The following HDHD2 variants were observed in gnomAD, a reference collection of about 807,000 sequenced individuals.
HDHD2 encodes haloacid dehalogenase like hydrolase domain containing 2, also known as haloacid dehalogenase-like hydrolase domain-containing protein 2.
A neutral mutation model predicts 24.8 loss-of-function variants in HDHD2; 26 were observed. That is an observed-to-expected ratio of 1.05 (90% CI 0.77 to 1.45). The LOEUF (loss-of-function observed/expected upper bound fraction) is 1.45. Ranked by LOEUF, HDHD2 falls within the 40% of genes most tolerant of loss-of-function variation. The pLI is 0.00. For missense variants in HDHD2, 299 were observed against 313.4 expected (o/e 0.95, Z 0.35); for synonymous variants, 128 against 114.9 (o/e 1.11, Z -0.73).
intron 4 of HDHD2, among the ~76,000 whole-genome samples, chr18:47,123,833 T>C (rs2063630853): frequency 6.6e-6 from 1 of 152,168 alleles, no homozygotes; most frequent in African/African-American, 2.4e-5. Flanking sequence ...AGGATCAAAC[T>C]CCCAGCAGGC....
At chr18:47,115,966 C>G (rs1338444696) in intron 4 of HDHD2, among the ~76,000 whole-genome samples, 1 of 152,132 alleles carries the variant, frequency 6.6e-6, no homozygotes, top group Non-Finnish European at 1.5e-5. Context: ...GGAGACCCTT[C>G]CCCATCAGGT....
intron 1 of HDHD2, among the ~76,000 whole-genome samples, chr18:47,148,100 C>T (rs1215199572): frequency 6.6e-6 from 1 of 151,708 alleles, no homozygotes; most frequent in Admixed American, 6.6e-5. Flanking sequence ...AAGCCATCCT[C>T]CCACCTCCGC....
chr18:47,109,215 G>A (rs921947608), intron 6 of HDHD2: 9 of 159,492 alleles, frequency 5.6e-5, no homozygotes, highest in African/African-American at 1.7e-4. Context: ...CTGCTGCCAC[G>A]CAGGGATCCA....
intron 4 of HDHD2, among the ~76,000 whole-genome samples, chr18:47,123,309 C>T (rs767582577): frequency 7.2e-5 from 11 of 152,070 alleles, no homozygotes; most frequent in Non-Finnish European, 1.3e-4. Flanking sequence ...AATACAAGGC[C>T]GGGCACAGTG....
chr18:47,116,301 T>C (rs2063557713), intron 4 of HDHD2, among the ~76,000 whole-genome samples: 1 of 152,226 alleles, frequency 6.6e-6, no homozygotes, highest in Admixed American at 6.5e-5. Context: ...ATGATCTCAC[T>C]AGCTTAATTT....
Position 47,134,630 on chromosome 18 carries a change from C to T in HDHD2, c.176G>A (p.Arg59Lys), listed in dbSNP as rs757468260. 4.6e-5 allele frequency: 74 copies of T among 1,613,926 alleles called. No individual in the cohort carries two copies. Among genetic ancestry groups the T allele is most frequent in the Non-Finnish European group, 5.8e-5 (69 of 1,179,952 alleles). Reference sequence around the variant, plus strand: ...GATATCAAATTCCAATTTTCTCAACCTTTCTAACAGGTCTTGCTTGCTCTC... The same window carrying T: ...GATATCAAATTCCAATTTTCTCAACTTTTCTAACAGGTCTTGCTTGCTCTC... ...TKESKQDLLE[R>K]LRKLEFDISE... The change falls in exon 3 of 7, where the codon AGG becomes AAG. Residue 59 changes from arginine (R) to lysine (K), a missense_variant. Arg to Lys is a conservative substitution (Grantham distance 26). Coordinates refer to ENST00000300605, the MANE Select transcript of HDHD2 (RefSeq NM_032124.5).
chr18:47,123,883 G>A (rs551106417), intron 4 of HDHD2, among the ~76,000 whole-genome samples: 21 of 152,306 alleles, frequency 1.4e-4, no homozygotes, highest in African/African-American at 4.8e-4. Flanking sequence ...AATCTGTGTG[G>A]AAATCCAAAG....
intron 1 of HDHD2, among the ~76,000 whole-genome samples, chr18:47,137,534 TG>T (rs1406693858): frequency 6.6e-6 from 1 of 152,168 alleles, no homozygotes; most frequent in Non-Finnish European, 1.5e-5. Flanking sequence ...TGACATCAAG[TG>T]GAGATGGGAT....
intron 4 of HDHD2, among the ~76,000 whole-genome samples, chr18:47,120,801 G>T (rs1192022878): frequency 1.3e-5 from 2 of 152,126 alleles, no homozygotes; most frequent in Non-Finnish European, 2.9e-5. Context: ...GAGCATCATT[G>T]TGTCTCAGGG....
chr18:47,134,572 TG>T lies in HDHD2; in HGVS notation c.233del (p.Ala78GlufsTer6), dbSNP rs2063745202. Reference protein sequence around the residue: ...SEDEIFTSLTAARSLLERKQV... With the variant: ...SEDEIFTSLTXARSLLERKQV... ...GTTTCCGCTCTAGTAAACTTCTGGC[TG>T]CAGTCAGAGATGTGAATATTTCATC... On this transcript the variant is annotated frameshift_variant, in exon 3 of 7. Transcript: ENST00000300605. LOFTEE classifies it high-confidence loss of function. The T allele has an allele frequency of 1.9e-6, 3 of 1,614,032 alleles. No homozygotes were observed. The African/African-American group carries it at 4.0e-5, about 22-fold the overall frequency.
intron 4 of HDHD2, among the ~76,000 whole-genome samples, chr18:47,118,511 T>G (rs938400664): frequency 2.6e-5 from 4 of 152,022 alleles, no homozygotes; most frequent in African/African-American, 9.7e-5. Context: ...TGTTCTCACT[T>G]ATAAGTGGGA....
chr18:47,117,893 C>G (rs2063570439), intron 4 of HDHD2, among the ~76,000 whole-genome samples: 1 of 151,906 alleles, frequency 6.6e-6, no homozygotes, highest in African/African-American at 2.4e-5. Flanking sequence ...GCAACCAACT[C>G]CAAAATATCT....
At chr18:47,121,148 G>A (rs1241145698) in intron 4 of HDHD2, among the ~76,000 whole-genome samples, 1 of 150,606 alleles carries the variant, frequency 6.6e-6, no homozygotes, top group Non-Finnish European at 1.5e-5. Context: ...AATGCAAAGT[G>A]CAATAAAAAG....
At position 47,107,813 on chromosome 18, in the gene HDHD2, G is replaced by A. The variant is rs1013414550; in HGVS notation, c.*869C>T. 1 of 152,594 alleles carries A rather than the reference G, an allele frequency of 6.6e-6. No homozygotes were observed. Among genetic ancestry groups the A allele is most frequent in the Non-Finnish European group, 1.5e-5 (1 of 68,030 alleles). The allele number at this position is 152,594 out of a possible 1,614,324, so 9.5% of individuals were successfully genotyped here. A position where few individuals can be genotyped will look rare whatever the true frequency, so the allele number is the denominator to read the frequency against. On this transcript the variant is annotated 3_prime_UTR_variant, in exon 7 of 7. Coordinates refer to ENST00000300605, the MANE Select transcript of HDHD2 (RefSeq NM_032124.5). Reference sequence around the variant, plus strand: ...GCAAAAATAATGAAATCTTGCAAATGTACAGTTAATAGGACCCTAGTGGAC... The same window carrying A: ...GCAAAAATAATGAAATCTTGCAAATATACAGTTAATAGGACCCTAGTGGAC...
chr18:47,123,837 A>G (rs1416337086), intron 4 of HDHD2, among the ~76,000 whole-genome samples: 1 of 152,260 alleles, frequency 6.6e-6, no homozygotes, highest in Non-Finnish European at 1.5e-5. Flanking sequence ...TCAAACTCCC[A>G]GCAGGCTTTG....
intron 1 of HDHD2, among the ~76,000 whole-genome samples, chr18:47,149,299 C>T (rs2144406370): frequency 6.6e-6 from 1 of 152,168 alleles, no homozygotes; most frequent in Middle Eastern, 3.4e-3. Context: ...ACAAATTTTC[C>T]CTTGGGAAAT....
intron 1 of HDHD2, among the ~76,000 whole-genome samples, chr18:47,143,782 C>T (rs1014054106): frequency 6.6e-6 from 1 of 152,080 alleles, no homozygotes; most frequent in African/African-American, 2.4e-5. Flanking sequence ...AAATTATATC[C>T]ATCTTTAAAG....
chr18:47,132,572 T>G (rs1170405689), intron 3 of HDHD2, among the ~76,000 whole-genome samples: 1 of 152,244 alleles, frequency 6.6e-6, no homozygotes, highest in Non-Finnish European at 1.5e-5. Context: ...ATTTATTTTC[T>G]GTTTAATTCA....
Position 47,108,658 on chromosome 18 carries a change from G to A in HDHD2, c.*24C>T. On this transcript the variant is annotated 3_prime_UTR_variant, in exon 7 of 7. Coordinates refer to ENST00000300605, the MANE Select transcript of HDHD2 (RefSeq NM_032124.5). Reference sequence around the variant, plus strand: ...CAGACAATAAGAAGCTGCATTTCAAGTTGCTTCAGATGCACACACTGCTTC... The same window carrying A: ...CAGACAATAAGAAGCTGCATTTCAAATTGCTTCAGATGCACACACTGCTTC... 3 of 1,280,186 alleles carry A rather than the reference G, an allele frequency of 2.3e-6. No homozygotes were observed. Among genetic ancestry groups the A allele is most frequent in the Non-Finnish European group, 3.4e-6 (3 of 890,026 alleles). 79.3% of individuals were successfully genotyped at this position (1,280,186 alleles called of 1,614,324 possible). A position where few individuals can be genotyped will look rare whatever the true frequency, so the allele number is the denominator to read the frequency against.
Sources: gnomAD v4.1 joint callset for allele counts (sites outside exome capture counted in the v4.1 genomes callset) on GRCh38, gnomAD v4.1.1 for gene constraint, MANE v1.5 for transcripts, NCBI Gene and HGNC (gene_info 2026-07-23, HGNC 2026-07-21) for gene names.